The following RGL1 variants were observed in gnomAD, a reference collection of about 807,000 sequenced individuals.
RGL1 encodes the protein ral guanine nucleotide dissociation stimulator like 1, also known as ral guanine nucleotide dissociation stimulator-like 1.
RGL1 carries 24 observed loss-of-function variants against 95.2 expected under a neutral mutation model. The ratio of observed to expected loss-of-function variants is 0.25; its 90% CI spans 0.18 to 0.35. RGL1 has a LOEUF of 0.35. Ranked by LOEUF, RGL1 falls within the 10% of genes least tolerant of loss-of-function variation. The pLI is 1.00. For missense variants in RGL1, 715 were observed against 936.3 expected (o/e 0.76, Z 3.08); for synonymous variants, 329 against 344.9 (o/e 0.95, Z 0.51).
At chr1:183,772,726 T>C (rs1287390571) in intron 2 of RGL1, among the ~76,000 whole-genome samples, 2 of 152,116 alleles carry the variant, frequency 1.3e-5, no homozygotes, top group Non-Finnish European at 2.9e-5. Flanking sequence ...AATTTCACTC[T>C]GGGCCGGGCG....
chr1:183,894,629 TC>T (rs1222386552), intron 9 of RGL1, among the ~76,000 whole-genome samples: 1 of 152,210 alleles, frequency 6.6e-6, no homozygotes, highest in Non-Finnish European at 1.5e-5. Context: ...ACTACCGGCC[TC>T]TGTTTCTAGT....
In RGL1 at chr1:183,912,163, T is replaced by G; in HGVS notation, c.1644T>G (p.Gly548=). 6.2e-7 allele frequency: 1 copy of G among 1,614,016 alleles called. No individual in the cohort carries two copies. Among genetic ancestry groups the G allele is most frequent in the Non-Finnish European group, 8.5e-7 (1 of 1,179,982 alleles). ...QPKSTASGSS[G]ESMDSVSVSS... is the part of the protein sequence containing the mutation. ...AGTCCACTGCCAGCGGGAGCTCTGG[T>G]GAAAGCATGGACTCTGTCAGCGTGT... Residue 548 remains glycine, a synonymous_variant, in exon 15 of 18, where the codon GGT becomes GGG. Transcript: ENST00000360851.
At chr1:183,883,942 T>TCTTAAAA (rs771600543) in intron 6 of RGL1, 32 bp downstream of exon 6, 4 of 1,611,068 alleles carry the variant, frequency 2.5e-6, no homozygotes, top group Non-Finnish European at 3.4e-6. Flanking sequence ...AGATGTACTT[T>TCTTAAAA]CACTTAAAAC....
intron 1 of RGL1, chr1:183,647,956 T>C: frequency 6.2e-7 from 1 of 1,614,212 alleles, no homozygotes; most frequent in Non-Finnish European, 8.5e-7. Flanking sequence ...AGTTGTCCAC[T>C]CGGCATTTGA....
At chr1:183,767,066 A>G (rs1476802887) in intron 2 of RGL1, among the ~76,000 whole-genome samples, 1 of 151,986 alleles carries the variant, frequency 6.6e-6, no homozygotes, top group African/African-American at 2.4e-5. Flanking sequence ...AAATTAAAAA[A>G]AAAATTAGCC....
chr1:183,712,653 A>C (rs1233992166), intron 1 of RGL1, among the ~76,000 whole-genome samples: 1 of 152,216 alleles, frequency 6.6e-6, no homozygotes, highest in African/African-American at 2.4e-5. Context: ...TGGACAAGGA[A>C]GCTAACATGG....
intron 2 of RGL1, among the ~76,000 whole-genome samples, chr1:183,828,221 C>T (rs1663006841): frequency 6.6e-6 from 1 of 152,196 alleles, no homozygotes; most frequent in African/African-American, 2.4e-5. Flanking sequence ...TATAATTTCA[C>T]ATAGTCACAT....
chr1:183,648,147 T>A (rs1650442058), intron 1 of RGL1: 1 of 1,614,200 alleles, frequency 6.2e-7, no homozygotes, highest in Admixed American at 1.7e-5. Context: ...TAAAATGGGC[T>A]GAAAAACATG....
chr1:183,725,387 G>A lies in RGL1; in HGVS notation c.-32-16739G>A, dbSNP rs541140459. The stretch of plus-strand genomic sequence containing the variant: ...CAGGAAACTTACAATCATGGCAGAA[G>A]GGGAGGCAAATGCATCCTTCACATG... On this transcript the variant is annotated intron_variant, in intron 1 of 18. Transcript: ENST00000304685. Among the ~76,000 whole-genome samples the A allele has an allele frequency of 4.6e-5, 7 of 152,284 alleles. No individual in the cohort carries two copies. The South Asian group carries it at 1.2e-3, about 27-fold the overall frequency.
rs185521377 is a variant in RGL1, at chr1:183,835,455, G to A, written c.139-12111G>A. On this transcript the variant is annotated intron_variant, in intron 2 of 17. Coordinates refer to ENST00000360851, the MANE Select transcript of RGL1 (RefSeq NM_001297671.3). Reference sequence around the variant, plus strand: ...AGTGCTTTCCATGGATTCCCAGTCTGTATTACCCAGTAGTTTCTCATGCAG... The same window carrying A: ...AGTGCTTTCCATGGATTCCCAGTCTATATTACCCAGTAGTTTCTCATGCAG... Among the ~76,000 whole-genome samples, 23 of 152,276 alleles carry A rather than the reference G, an allele frequency of 1.5e-4. No individual in the cohort carries two copies. In the East Asian group the frequency reaches 4.2e-3, roughly 28 times the overall value.
At chr1:183,684,316 T>C (rs1463600186) in intron 1 of RGL1, among the ~76,000 whole-genome samples, 1 of 152,240 alleles carries the variant, frequency 6.6e-6, no homozygotes, top group African/African-American at 2.4e-5. Flanking sequence ...TATCCAGCTT[T>C]GGTCTTTGAT....
intron 1 of RGL1, among the ~76,000 whole-genome samples, chr1:183,690,153 T>C (rs904937752): frequency 1.3e-5 from 2 of 152,146 alleles, no homozygotes; most frequent in African/African-American, 4.8e-5. Flanking sequence ...GGGAGTTGAA[T>C]GGGTGGCTGT....
At chr1:183,650,108 C>G (rs1442562810) in intron 1 of RGL1, among the ~76,000 whole-genome samples, 1 of 152,174 alleles carries the variant, frequency 6.6e-6, no homozygotes, top group African/African-American at 2.4e-5. Context: ...CCACCATGTC[C>G]AGCCTTCCGT....
chr1:183,897,768 T>C, intron 9 of RGL1, 40 bp from the exon 10 acceptor site: 1 of 1,449,056 alleles, frequency 6.9e-7, no homozygotes, highest in Non-Finnish European at 9.7e-7. Context: ...CATTGTGGCA[T>C]CCTGTATCAA....
chr1:183,769,359 C>A (rs920799906), intron 2 of RGL1, among the ~76,000 whole-genome samples: 5 of 152,202 alleles, frequency 3.3e-5, no homozygotes, highest in Admixed American at 1.3e-4. Context: ...CTCAAAATAT[C>A]TACAGAGACA....
At chr1:183,790,087 AT>A (rs914737961) in intron 2 of RGL1, among the ~76,000 whole-genome samples, 19 of 149,328 alleles carry the variant, frequency 1.3e-4, no homozygotes, top group Admixed American at 5.3e-4. Context: ...CACCCAGCTA[AT>A]TTTTTTTTTA....
At chr1:183,751,177 C>A (rs1378249126) in intron 2 of RGL1, among the ~76,000 whole-genome samples, 1 of 152,240 alleles carries the variant, frequency 6.6e-6, no homozygotes, top group African/African-American at 2.4e-5. Context: ...CCCCTTCCCC[C>A]AGGTGCTCTG....
chr1:183,778,830 C>G (rs1251560059), intron 2 of RGL1, among the ~76,000 whole-genome samples: 3 of 152,186 alleles, frequency 2.0e-5, no homozygotes, highest in East Asian at 3.9e-4. Flanking sequence ...AGGGCTCATC[C>G]TTTAGGGAAT....
intron 2 of RGL1, among the ~76,000 whole-genome samples, chr1:183,796,467 C>A (rs1251278024): frequency 6.6e-6 from 1 of 152,000 alleles, no homozygotes; most frequent in Non-Finnish European, 1.5e-5. Flanking sequence ...CGGCCTGTAT[C>A]CCTATTTTCT....
Sources: allele counts gnomAD v4.1 joint callset (sites outside exome capture counted in the v4.1 genomes callset), GRCh38; gene constraint gnomAD v4.1.1; transcripts MANE v1.5; gene names NCBI Gene and HGNC (gene_info 2026-07-23, HGNC 2026-07-21).